Variants in PCDH9 observed in about 807,000 individuals in gnomAD.
PCDH9 encodes protocadherin-9.
PCDH9 carries 24 observed loss-of-function variants against 70.6 expected under a neutral mutation model. The ratio of observed to expected loss-of-function variants is 0.34; its 90% confidence interval spans 0.25 to 0.48. The LOEUF is 0.48. PCDH9 is among the 20% of genes least tolerant of loss of function. The probability of loss-of-function intolerance (pLI) is 0.99; values close to 1 mark genes in which losing one functional copy is unlikely to be tolerated. For synonymous variants in PCDH9, 562 were observed against 558.5 expected (o/e 1.01, Z -0.09); for missense variants, 1,281 against 1,503.6 (o/e 0.85, Z 2.45).
chr13:67,015,016 T>C (rs2031349), intron 2 of PCDH9, among the ~76,000 whole-genome samples: 147,133 of 152,146 alleles, frequency 0.97, 71,347 homozygotes, highest in East Asian at 1. Flanking sequence ...AAATTAGTTT[T>C]GGTCCTAGTC....
At chr13:66,798,420 T>C (rs1276095524) in intron 3 of PCDH9, among the ~76,000 whole-genome samples, 1 of 152,126 alleles carries the variant, frequency 6.6e-6, no homozygotes, top group Non-Finnish European at 1.5e-5. Flanking sequence ...CAGGCATAGG[T>C]GTGCACAGAC....
intron 4 of PCDH9, among the ~76,000 whole-genome samples, chr13:66,334,581 CAAT>C (rs1956002960): frequency 6.6e-6 from 1 of 152,058 alleles, no homozygotes; most frequent in South Asian, 2.1e-4. Flanking sequence ...GCCTCCACAA[CAAT>C]GTGAGCCCAA....
In PCDH9 at chr13:66,326,435, A is replaced by C. The variant is rs79414584; in HGVS notation, c.3341-21407T>G. On this transcript the variant is annotated intron_variant, in intron 4 of 4. Coordinates refer to ENST00000377865, the MANE Select transcript of PCDH9 (RefSeq NM_203487.3). ...AAAACAACGAAAACAATAAAAAAAAACACACCAGAGTCTTGCTCCGTCGCC... is the reference window on the plus strand; with the variant it reads ...AAAACAACGAAAACAATAAAAAAAACCACACCAGAGTCTTGCTCCGTCGCC... Among the ~76,000 whole-genome samples, 11 of 151,224 alleles carry C rather than the reference A, an allele frequency of 7.3e-5. No individual in the cohort carries two copies. In the East Asian group the frequency reaches 9.7e-4, roughly 13 times the overall value.
At chr13:66,508,003 G>A (rs1462833347) in intron 4 of PCDH9, among the ~76,000 whole-genome samples, 2 of 152,108 alleles carry the variant, frequency 1.3e-5, no homozygotes, top group African/African-American at 4.8e-5. Context: ...TTACAGGCGT[G>A]AGCCATCGCA....
Position 66,931,845 on chromosome 13 carries a change from C to G in PCDH9, c.3037-28240G>C, listed in dbSNP as rs1594276325. ...ACAATATGGTTACCAATCAGCACCCCCCGACACCCAAAACACTTATGTTGC... is the reference window on the plus strand; with the variant it reads ...ACAATATGGTTACCAATCAGCACCCGCCGACACCCAAAACACTTATGTTGC... On this transcript the variant is annotated intron_variant, in intron 2 of 4. Transcript: ENST00000377865. Among the ~76,000 whole-genome samples, 3 of 151,966 alleles carry G rather than the reference C, an allele frequency of 2.0e-5. No individual in the cohort carries two copies. The East Asian group carries it at 5.8e-4, about 29-fold the overall frequency.
rs1182724040 is a variant in PCDH9 at position 66,315,013 on chromosome 13, T to TGG, written c.3341-9987_3341-9986dup. 2.6e-5 allele frequency among the ~76,000 whole-genome samples: 4 copies of TGG among 152,298 alleles called. No homozygotes were observed. The East Asian group carries it at 7.7e-4, about 29-fold the overall frequency. ...AGTGTTTTCTCCAGCTGGTGGCAGG[T>TGG]GGGAGTCCAGATTCCAAGGACGGGA... On this transcript the variant is annotated intron_variant, in intron 4 of 4. Coordinates refer to ENST00000377865, the MANE Select transcript of PCDH9 (RefSeq NM_203487.3).
At chr13:66,657,333 T>C (rs2077945934) in intron 3 of PCDH9, among the ~76,000 whole-genome samples, 1 of 152,060 alleles carries the variant, frequency 6.6e-6, no homozygotes, top group South Asian at 2.1e-4. Flanking sequence ...CTAATACAAA[T>C]AACAGGGAGG....
intron 2 of PCDH9, among the ~76,000 whole-genome samples, chr13:67,133,216 G>A (rs1450948114): frequency 6.6e-6 from 1 of 152,062 alleles, no homozygotes; most frequent in East Asian, 1.9e-4. Flanking sequence ...TATGACAAAA[G>A]AAGGGCACAG....
intron 4 of PCDH9, among the ~76,000 whole-genome samples, chr13:66,442,589 A>C (rs1957994552): frequency 6.6e-6 from 1 of 152,106 alleles, no homozygotes; most frequent in South Asian, 2.1e-4. Context: ...TTAATATTTT[A>C]AGTATTCAAG....
chr13:66,486,638 A>G (rs965558220), intron 4 of PCDH9, among the ~76,000 whole-genome samples: 2 of 19,066 alleles, frequency 1.0e-4, no homozygotes, highest in African/African-American at 2.7e-4. Context: ...GCTATCTCAG[A>G]AAAAAAAAAA....
intron 2 of PCDH9, among the ~76,000 whole-genome samples, chr13:67,014,056 T>C (rs1048377865): frequency 1.3e-5 from 2 of 152,106 alleles, no homozygotes; most frequent in African/African-American, 4.8e-5. Context: ...GATCAAAACA[T>C]ATATTTTCCC....
chr13:66,889,223 A>C (rs967466542), intron 3 of PCDH9, among the ~76,000 whole-genome samples: 4 of 152,194 alleles, frequency 2.6e-5, no homozygotes, highest in Admixed American at 2.6e-4. Flanking sequence ...TACTGTGTAG[A>C]CTGGGTACCT....
intron 2 of PCDH9, among the ~76,000 whole-genome samples, chr13:66,980,782 T>G (rs530004567): frequency 6.7e-6 from 1 of 148,296 alleles, no homozygotes; most frequent in African/African-American, 2.5e-5. Context: ...CCTTGCTTAG[T>G]ACTTGGCACC....
chr13:66,831,902 A>G (rs1377771259), intron 3 of PCDH9, among the ~76,000 whole-genome samples: 1 of 142,894 alleles, frequency 7.0e-6, no homozygotes, highest in African/African-American at 2.6e-5. Flanking sequence ...AAAACTGTGG[A>G]AAAAAAAGTG....
rs1051769887 is a variant in PCDH9, at chr13:66,836,773, T to C, written c.3138+66731A>G. 2.0e-5 allele frequency among the ~76,000 whole-genome samples: 3 copies of C among 152,304 alleles called. No individual in the cohort carries two copies. The South Asian group carries it at 6.2e-4, about 32-fold the overall frequency. ...GCCTTGTTTCTGACTTTCCGTATGT[T>C]ACAATCGGTGGGTAAAAGTAAAATC... On this transcript the variant is annotated intron_variant, in intron 3 of 4. Transcript: ENST00000377865.
At chr13:67,121,808 AT>A (rs1297079632) in intron 2 of PCDH9, among the ~76,000 whole-genome samples, 1 of 152,190 alleles carries the variant, frequency 6.6e-6, no homozygotes, top group Non-Finnish European at 1.5e-5. Context: ...TTAAGTGTAT[AT>A]AATCATATAG....
intron 3 of PCDH9, among the ~76,000 whole-genome samples, chr13:66,779,066 A>T (rs1244412609): frequency 6.6e-6 from 1 of 152,004 alleles, no homozygotes; most frequent in African/African-American, 2.4e-5. Flanking sequence ...TTCTATCAAT[A>T]TTTCATATTT....
chr13:66,442,417 T>C (rs1957991260), intron 4 of PCDH9, among the ~76,000 whole-genome samples: 1 of 152,074 alleles, frequency 6.6e-6, no homozygotes, highest in Non-Finnish European at 1.5e-5. Context: ...GGTGAGGCCT[T>C]TAGTTAATCA....
intron 2 of PCDH9, among the ~76,000 whole-genome samples, chr13:66,947,202 A>G (rs2083102382): frequency 1.3e-5 from 2 of 152,270 alleles, no homozygotes; most frequent in African/African-American, 4.8e-5. Context: ...CTGTACATTT[A>G]TATCTCTGAC....
Sources: allele counts gnomAD v4.1 joint callset (sites outside exome capture counted in the v4.1 genomes callset), GRCh38; gene constraint gnomAD v4.1.1; transcripts MANE v1.5; gene names NCBI Gene and HGNC (gene_info 2026-07-23, HGNC 2026-07-21).